The following LINGO2 variants were observed in gnomAD, a reference collection of about 807,000 sequenced individuals.
LINGO2 encodes leucine-rich repeat and immunoglobulin-like domain-containing nogo receptor-interacting protein 2.
LINGO2 carries 14 observed loss-of-function variants against 30.6 expected under a neutral mutation model. The ratio of observed to expected loss-of-function variants is 0.46; its 90% CI spans 0.30 to 0.72. The LOEUF is 0.72. Among genes scored for constraint, LINGO2 ranks in the 30% least tolerant of loss-of-function variants. The probability of loss-of-function intolerance (pLI) is 0.07; values close to 1 mark genes in which losing one functional copy is unlikely to be tolerated. For synonymous variants in LINGO2, 317 were observed against 288.5 expected (o/e 1.10, Z -1.00); for missense variants, 729 against 751.7 (o/e 0.97, Z 0.35).
chr9:29,167,235 A>G, the LINGO2 span, among the ~76,000 whole-genome samples: 4,602 of 152,240 alleles, frequency 0.03, 226 homozygotes, highest in African/African-American at 0.1. Context: ...AATGCTTTGA[A>G]TAAAATCAAA....
chr9:28,940,857 A>G, the LINGO2 span, among the ~76,000 whole-genome samples: 1 of 152,146 alleles, frequency 6.6e-6, no homozygotes, highest in East Asian at 1.9e-4. Flanking sequence ...TACAGAGACT[A>G]AACACATCAA....
At chr9:28,181,706 T>A (rs982655896) in intron 4 of LINGO2, among the ~76,000 whole-genome samples, 13 of 152,134 alleles carry the variant, frequency 8.5e-5, no homozygotes, top group African/African-American at 2.2e-4. Context: ...AGCAGCAGGG[T>A]TCATTCTCTT....
chr9:28,099,455 G>A (rs1396270411), intron 4 of LINGO2, among the ~76,000 whole-genome samples: 1 of 152,058 alleles, frequency 6.6e-6, no homozygotes, highest in East Asian at 1.9e-4. Flanking sequence ...AAGAAGCTTA[G>A]GCTTCATCTT....
intron 4 of LINGO2, among the ~76,000 whole-genome samples, chr9:28,090,633 C>T (rs563536566): frequency 4.6e-5 from 7 of 152,244 alleles, no homozygotes; most frequent in Admixed American, 2.6e-4. Context: ...AAACCGGAAG[C>T]ATTCCCTTTG....
chr9:28,024,021 C>T (rs768877584), intron 4 of LINGO2, among the ~76,000 whole-genome samples: 1 of 152,120 alleles, frequency 6.6e-6, no homozygotes, highest in African/African-American at 2.4e-5. Context: ...TAGCAGTTTG[C>T]TTTGTATTCT....
chr9:28,244,121 C>T (rs544790744), intron 4 of LINGO2, among the ~76,000 whole-genome samples: 1 of 152,286 alleles, frequency 6.6e-6, no homozygotes, highest in South Asian at 2.1e-4. Flanking sequence ...ATCATACAAA[C>T]AGTCTCTTAG....
the LINGO2 span, among the ~76,000 whole-genome samples, chr9:29,120,653 C>A: frequency 2.6e-5 from 4 of 152,112 alleles, no homozygotes; most frequent in African/African-American, 7.2e-5. Context: ...AAATTTTGCA[C>A]CCTGACACTG....
the LINGO2 span, among the ~76,000 whole-genome samples, chr9:28,974,081 A>G: frequency 6.6e-6 from 1 of 152,206 alleles, no homozygotes; most frequent in Non-Finnish European, 1.5e-5. Context: ...AATAGTAACT[A>G]CAACAACTTT....
intron 3 of LINGO2, among the ~76,000 whole-genome samples, chr9:28,332,570 T>C (rs1304438522): frequency 6.8e-6 from 1 of 147,482 alleles, no homozygotes; most frequent in Non-Finnish European, 1.5e-5. Flanking sequence ...TGAAATGGGA[T>C]AAAAATTAAG....
chr9:28,274,326 A>G (rs918309744), intron 4 of LINGO2, among the ~76,000 whole-genome samples: 6 of 152,142 alleles, frequency 3.9e-5, no homozygotes, highest in African/African-American at 1.4e-4. Context: ...ACCCAGGTCC[A>G]CTTATGAGCA....
the LINGO2 span, among the ~76,000 whole-genome samples, chr9:28,887,331 C>T: frequency 6.6e-6 from 1 of 151,870 alleles, no homozygotes; most frequent in Non-Finnish European, 1.5e-5. Flanking sequence ...TTGAATGAGG[C>T]CTATTGTTCT....
intron 2 of LINGO2, among the ~76,000 whole-genome samples, chr9:28,460,403 G>A (rs12005911): frequency 0.021 from 3,206 of 152,174 alleles, 110 homozygotes; most frequent in African/African-American, 0.071. Context: ...TTAGCAAAAC[G>A]TAGCTTATGT....
chr9:28,202,616 T>C (rs955632243), intron 4 of LINGO2, among the ~76,000 whole-genome samples: 1 of 152,070 alleles, frequency 6.6e-6, no homozygotes, highest in African/African-American at 2.4e-5. Context: ...ATATATATTG[T>C]TTAGAAAAAC....
At chr9:28,485,350 C>T (rs7859953) in intron 1 of LINGO2, among the ~76,000 whole-genome samples, 97,608 of 151,960 alleles carry the variant, frequency 0.64, 32,126 homozygotes, top group South Asian at 0.75. Context: ...GTAATATCAT[C>T]ACAGCTGTTT....
At chr9:28,074,503 T>G (rs1016659958) in intron 4 of LINGO2, among the ~76,000 whole-genome samples, 1 of 152,178 alleles carries the variant, frequency 6.6e-6, no homozygotes, top group African/African-American at 2.4e-5. Context: ...GGCTTCTGTC[T>G]TCCAGAACAT....
chr9:28,768,378 C>T, the LINGO2 span, among the ~76,000 whole-genome samples: 13 of 152,124 alleles, frequency 8.5e-5, no homozygotes, highest in African/African-American at 2.9e-4. Flanking sequence ...TGGTTCCTGA[C>T]TCCTTTTGAC....
the LINGO2 span, among the ~76,000 whole-genome samples, chr9:28,873,911 T>A: frequency 6.6e-6 from 1 of 151,758 alleles, no homozygotes; most frequent in Non-Finnish European, 1.5e-5. Context: ...AATGAATATC[T>A]CTATGCAATA....
chr9:28,926,706 T>C, the LINGO2 span, among the ~76,000 whole-genome samples: 4 of 152,266 alleles, frequency 2.6e-5, no homozygotes, highest in African/African-American at 9.6e-5. Flanking sequence ...TAACTATATA[T>C]GTGGTGTTCT....
chr9:28,875,334 A>G, the LINGO2 span, among the ~76,000 whole-genome samples: 20,754 of 151,988 alleles, frequency 0.14, 2,027 homozygotes, highest in African/African-American at 0.27. Context: ...CGTCTACACA[A>G]AATTATACAT....
Sources: gnomAD v4.1 joint callset for allele counts (sites outside exome capture counted in the v4.1 genomes callset) on GRCh38, gnomAD v4.1.1 for gene constraint, MANE v1.5 for transcripts, NCBI Gene and HGNC (gene_info 2026-07-23, HGNC 2026-07-21) for gene names.